Variants in CAMK4 observed in about 807,000 individuals in gnomAD.
CAMK4 encodes the protein calcium/calmodulin-dependent protein kinase type IV.
A neutral mutation model predicts 44.9 loss-of-function variants in CAMK4; 22 were observed. The ratio of observed to expected loss-of-function variants is 0.49; its 90% CI spans 0.35 to 0.70. CAMK4 has a LOEUF of 0.70. Among genes scored for constraint, CAMK4 ranks in the 30% least tolerant of loss-of-function variants. The pLI, the probability that CAMK4 is intolerant of heterozygous loss-of-function variation, is 0.01. For synonymous variants in CAMK4, 218 were observed against 215.4 expected, an observed-to-expected ratio of 1.01 and a Z score of -0.11; for missense variants, 498 against 586.8, an observed-to-expected ratio of 0.85 and a Z score of 1.56.
chr5:111,334,278 A>T (rs866203522), intron 1 of CAMK4, among the ~76,000 whole-genome samples: 5 of 151,612 alleles, frequency 3.3e-5, no homozygotes, highest in African/African-American at 1.2e-4. Flanking sequence ...ATCACTAATT[A>T]AATCAATTAA....
rs929579706 is a variant in CAMK4 at position 111,424,092 on chromosome 5, A to G, written c.460-22594A>G. ...CTTTTGCCATCTGTCACCCACTACT[A>G]TGCCCTGCTATAGACTATATTGGGC... On this transcript the variant is annotated intron_variant, in intron 5 of 10. Coordinates refer to ENST00000282356, the MANE Select transcript of CAMK4 (RefSeq NM_001744.6). Among the ~76,000 whole-genome samples, 6 of 152,342 alleles carry G rather than the reference A, an allele frequency of 3.9e-5. No homozygotes were observed. In the East Asian group the frequency reaches 7.7e-4, roughly 20 times the overall value.
At chr5:111,440,749 G>T (rs996567095) in intron 5 of CAMK4, among the ~76,000 whole-genome samples, 2 of 151,090 alleles carry the variant, frequency 1.3e-5, no homozygotes, top group East Asian at 3.9e-4. Flanking sequence ...TGAGATTTTT[G>T]GCAGCAAAAC....
intron 1 of CAMK4, among the ~76,000 whole-genome samples, chr5:111,232,457 A>T (rs937512530): frequency 1.5e-4 from 23 of 152,134 alleles, no homozygotes; most frequent in Non-Finnish European, 7.4e-5. Flanking sequence ...AAGAGGCAAA[A>T]AAAGGACAGA....
At chr5:111,431,085 C>G (rs1753424985) in intron 5 of CAMK4, among the ~76,000 whole-genome samples, 1 of 152,078 alleles carries the variant, frequency 6.6e-6, no homozygotes, top group Admixed American at 6.6e-5. Context: ...TCAAATTATA[C>G]TACAGAGCTA....
At chr5:111,250,844 G>A (rs1023879974) in intron 1 of CAMK4, among the ~76,000 whole-genome samples, 1 of 152,114 alleles carries the variant, frequency 6.6e-6, no homozygotes, top group African/African-American at 2.4e-5. Context: ...GAATCTCCCT[G>A]TGTTGCCAGG....
At chr5:111,287,579 T>A (rs1453417553) in intron 1 of CAMK4, among the ~76,000 whole-genome samples, 1 of 152,196 alleles carries the variant, frequency 6.6e-6, no homozygotes, top group Non-Finnish European at 1.5e-5. Flanking sequence ...GTCATATTGT[T>A]TTGACTTTTT....
chr5:111,352,153 G>T (rs190842250), intron 2 of CAMK4, among the ~76,000 whole-genome samples: 30 of 152,162 alleles, frequency 2.0e-4, no homozygotes, highest in Non-Finnish European at 1.5e-4. Context: ...CAAATACTTA[G>T]TCCATAGCAA....
At chr5:111,335,269 C>G (rs1749352135) in intron 1 of CAMK4, among the ~76,000 whole-genome samples, 1 of 151,426 alleles carries the variant, frequency 6.6e-6, no homozygotes, top group Non-Finnish European at 1.5e-5. Flanking sequence ...GGAGAATGCC[C>G]TTGATGCTAA....
chr5:111,391,962 GCT>G (rs1194713326), intron 4 of CAMK4, among the ~76,000 whole-genome samples: 1 of 151,996 alleles, frequency 6.6e-6, no homozygotes, highest in African/African-American at 2.4e-5. Context: ...AGATAATGAG[GCT>G]CTCTTTCCTC....
chr5:111,346,801 G>T (rs943008157), intron 2 of CAMK4, among the ~76,000 whole-genome samples: 1 of 142,498 alleles, frequency 7.0e-6, no homozygotes, highest in South Asian at 2.2e-4. Context: ...AACCAAACTT[G>T]AGTCAGCTCA....
At chr5:111,419,124 T>C (rs1468051490) in intron 5 of CAMK4, among the ~76,000 whole-genome samples, 1 of 152,222 alleles carries the variant, frequency 6.6e-6, no homozygotes, top group Non-Finnish European at 1.5e-5. Flanking sequence ...GAATTTTTAA[T>C]GATCGCCATT....
At chr5:111,266,916 GTTTTCT>G (rs1439658217) in intron 1 of CAMK4, among the ~76,000 whole-genome samples, 1 of 152,168 alleles carries the variant, frequency 6.6e-6, no homozygotes, top group Non-Finnish European at 1.5e-5. Flanking sequence ...CAGCCTCTCT[GTTTTCT>G]TTTCCCTTGC....
At chr5:111,241,669 G>A (rs926637052) in intron 1 of CAMK4, among the ~76,000 whole-genome samples, 3 of 151,964 alleles carry the variant, frequency 2.0e-5, no homozygotes, top group Non-Finnish European at 4.4e-5. Flanking sequence ...ATATTTCTGA[G>A]GTATTATTTT....
chr5:111,355,171 A>G (rs993142143), intron 2 of CAMK4, among the ~76,000 whole-genome samples: 2 of 152,138 alleles, frequency 1.3e-5, no homozygotes, highest in African/African-American at 2.4e-5. Context: ...TAGCTTTCAG[A>G]CAATGAGCCG....
intron 2 of CAMK4, among the ~76,000 whole-genome samples, chr5:111,346,926 C>A (rs1225202124): frequency 6.6e-6 from 1 of 151,914 alleles, no homozygotes. Flanking sequence ...AGGCAACTCA[C>A]GCTTAAGACC....
At chr5:111,301,233 A>C (rs986862339) in intron 1 of CAMK4, among the ~76,000 whole-genome samples, 2 of 152,226 alleles carry the variant, frequency 1.3e-5, no homozygotes, top group African/African-American at 4.8e-5. Context: ...AAGATTATTT[A>C]CTGGAGAATG....
In CAMK4 at chr5:111,243,805, A is replaced by C. The variant is rs146600126; in HGVS notation, c.161+19161A>C. 7.5e-3 allele frequency among the ~76,000 whole-genome samples: 1,139 copies of C among 152,342 alleles called. 20 individuals are homozygous for C. Among genetic ancestry groups the C allele is most frequent in the African/African-American group, 0.025 (1,058 of 41,578 alleles). ...GAATGTCAAGCCTCGTAATGTAAAA[A>C]ATACTGAAGATATTGTGACTGTATC... On this transcript the variant is annotated intron_variant, in intron 1 of 10. Coordinates refer to ENST00000282356, the MANE Select transcript of CAMK4 (RefSeq NM_001744.6).
At chr5:111,376,415 T>A (rs904260474) in intron 3 of CAMK4, among the ~76,000 whole-genome samples, 2 of 152,052 alleles carry the variant, frequency 1.3e-5, no homozygotes, top group Admixed American at 1.3e-4. Context: ...ATAGGCCGAC[T>A]TTAAGCTGGT....
chr5:111,478,849 TTGCCTA>T (rs1305376574), intron 9 of CAMK4, among the ~76,000 whole-genome samples: 1 of 152,170 alleles, frequency 6.6e-6, no homozygotes, highest in Non-Finnish European at 1.5e-5. Context: ...TGGCTTGCAA[TTGCCTA>T]GAATTTAGAT....
Sources: allele counts gnomAD v4.1 joint callset (sites outside exome capture counted in the v4.1 genomes callset), GRCh38; gene constraint gnomAD v4.1.1; transcripts MANE v1.5; gene names NCBI Gene and HGNC (gene_info 2026-07-23, HGNC 2026-07-21).